Variants in SGCZ observed in about 807,000 individuals in gnomAD.
SGCZ encodes sarcoglycan zeta.
A neutral mutation model predicts 41.3 loss-of-function variants in SGCZ; 40 were observed. That is an observed-to-expected ratio of 0.97 (90% CI 0.75 to 1.26). The LOEUF is 1.26. SGCZ is among the 50% of genes most tolerant of loss of function. SGCZ has a pLI of 0.00. For missense variants in SGCZ, 552 were observed against 369.8 expected (o/e 1.49, Z -4.04); for synonymous variants, 206 against 137.5 (o/e 1.50, Z -3.49).
chr8:14,997,112 A>C (rs1403170535), intron 1 of SGCZ, among the ~76,000 whole-genome samples: 6 of 152,270 alleles, frequency 3.9e-5, no homozygotes, highest in Admixed American at 3.9e-4. Context: ...CTGGCTAAGC[A>C]TTTACTCCAC....
intron 1 of SGCZ, among the ~76,000 whole-genome samples, chr8:14,566,894 G>A (rs1804384138): frequency 6.6e-6 from 1 of 152,140 alleles, no homozygotes; most frequent in Non-Finnish European, 1.5e-5. Context: ...GTGGGCGGCT[G>A]TGGGCTCGGC....
chr8:14,844,845 C>G (rs1403328012), intron 1 of SGCZ, among the ~76,000 whole-genome samples: 4 of 152,152 alleles, frequency 2.6e-5, no homozygotes, highest in Non-Finnish European at 5.9e-5. Flanking sequence ...ACAGTGACCT[C>G]TGAAAGACTG....
At chr8:14,446,507 G>A (rs565259289) in intron 2 of SGCZ, among the ~76,000 whole-genome samples, 1 of 152,160 alleles carries the variant, frequency 6.6e-6, no homozygotes, top group East Asian at 1.9e-4. Context: ...CTTGAAGAGT[G>A]GTAATAAATT....
intron 1 of SGCZ, among the ~76,000 whole-genome samples, chr8:14,727,430 T>C (rs1050291354): frequency 1.6e-4 from 24 of 152,116 alleles, no homozygotes; most frequent in Non-Finnish European, 1.5e-5. Context: ...CAATATCTTA[T>C]GAAATTTAAT....
intron 3 of SGCZ, among the ~76,000 whole-genome samples, chr8:14,239,729 C>A (rs901407242): frequency 2.0e-5 from 3 of 150,528 alleles, no homozygotes; most frequent in African/African-American, 7.3e-5. Flanking sequence ...GGTGAAACCC[C>A]GTCTCTACTA....
At chr8:14,531,153 TAC>T (rs907408766) in intron 2 of SGCZ, among the ~76,000 whole-genome samples, 1 of 152,060 alleles carries the variant, frequency 6.6e-6, no homozygotes, top group African/African-American at 2.4e-5. Context: ...ATTGGTTCTT[TAC>T]ACTATCATAC....
At chr8:14,764,144 A>G (rs2130366690) in intron 1 of SGCZ, among the ~76,000 whole-genome samples, 1 of 152,352 alleles carries the variant, frequency 6.6e-6, no homozygotes, top group Non-Finnish European at 1.5e-5. Context: ...GAGCCACTTC[A>G]AAGAGTTTGT....
chr8:14,363,958 A>T (rs529050749), intron 2 of SGCZ, among the ~76,000 whole-genome samples: 1 of 152,206 alleles, frequency 6.6e-6, no homozygotes, highest in South Asian at 2.1e-4. Context: ...TTTCAAATTG[A>T]GTGCAGAAGT....
intron 2 of SGCZ, among the ~76,000 whole-genome samples, chr8:14,464,486 A>ATT (rs35544350): frequency 0.045 from 6,093 of 135,898 alleles, 186 homozygotes; most frequent in East Asian, 0.09. Flanking sequence ...TTTGAGTGGT[A>ATT]TTTTTTTTTT....
chr8:14,359,860 A>G (rs1220852636), intron 2 of SGCZ, among the ~76,000 whole-genome samples: 1 of 152,172 alleles, frequency 6.6e-6, no homozygotes, highest in Non-Finnish European at 1.5e-5. Flanking sequence ...TGATGAAAAA[A>G]CATCAACAGA....
chr8:15,192,513 A>C (rs968167224), intron 1 of SGCZ, among the ~76,000 whole-genome samples: 1 of 152,114 alleles, frequency 6.6e-6, no homozygotes, highest in East Asian at 1.9e-4. Flanking sequence ...AGTTGAAAAT[A>C]CTCATTCTTT....
intron 1 of SGCZ, among the ~76,000 whole-genome samples, chr8:14,820,766 G>T (rs1368663255): frequency 2.0e-5 from 3 of 151,380 alleles, no homozygotes; most frequent in Non-Finnish European, 4.4e-5. Context: ...AATTAAAAGG[G>T]ATCTAAAAAT....
intron 4 of SGCZ, among the ~76,000 whole-genome samples, chr8:14,236,459 C>A (rs1032718649): frequency 2.0e-5 from 3 of 151,716 alleles, no homozygotes; most frequent in African/African-American, 4.8e-5. Context: ...TTAAAAAAAA[C>A]CTACAAATTA....
intron 4 of SGCZ, among the ~76,000 whole-genome samples, chr8:14,188,179 T>C (rs1051913903): frequency 2.0e-5 from 3 of 152,110 alleles, no homozygotes; most frequent in Non-Finnish European, 4.4e-5. Context: ...TTATAAGAAA[T>C]AGTGAAAGGA....
chr8:14,883,056 A>G (rs1435029004), intron 1 of SGCZ, among the ~76,000 whole-genome samples: 1 of 152,104 alleles, frequency 6.6e-6, no homozygotes, highest in Non-Finnish European at 1.5e-5. Flanking sequence ...GAAAATAAAT[A>G]TTATTTTTGA....
intron 2 of SGCZ, among the ~76,000 whole-genome samples, chr8:14,446,077 T>A (rs919287821): frequency 6.6e-6 from 1 of 152,104 alleles, no homozygotes; most frequent in African/African-American, 2.4e-5. Context: ...AAATCCTGAA[T>A]CAGTTGTGCC....
chr8:14,099,046 G>C (rs1327179962), intron 7 of SGCZ, among the ~76,000 whole-genome samples: 1 of 152,124 alleles, frequency 6.6e-6, no homozygotes, highest in African/African-American at 2.4e-5. Context: ...TTTTATAATA[G>C]ATAAATTGAT....
chr8:14,564,748 A>G (rs183718484), intron 1 of SGCZ, among the ~76,000 whole-genome samples: 123 of 152,300 alleles, frequency 8.1e-4, no homozygotes, highest in Middle Eastern at 3.4e-3. Context: ...TGAACTTTCC[A>G]TACCAGAAAG....
chr8:14,828,751 G>T (rs142487589), intron 1 of SGCZ, among the ~76,000 whole-genome samples: 2 of 152,148 alleles, frequency 1.3e-5, no homozygotes, highest in Non-Finnish European at 2.9e-5. Context: ...CATCTGCTTA[G>T]TATGAGAGTG....
Sources: allele counts gnomAD v4.1 joint callset (sites outside exome capture counted in the v4.1 genomes callset), GRCh38; gene constraint gnomAD v4.1.1; transcripts MANE v1.5; gene names NCBI Gene and HGNC (gene_info 2026-07-23, HGNC 2026-07-21).